The following KIAA1549L variants were observed in gnomAD, a reference collection of about 807,000 sequenced individuals.
The protein encoded by KIAA1549L is UPF0606 protein KIAA1549L.
KIAA1549L carries 88 observed loss-of-function variants against 160.7 expected under a neutral mutation model. The observed-to-expected ratio is 0.55, with a 90% CI of 0.46 to 0.65. The LOEUF (loss-of-function observed/expected upper bound fraction) is 0.65, where lower values mean the gene tolerates loss of function less well. KIAA1549L is among the 30% of genes least tolerant of loss of function. The probability of loss-of-function intolerance (pLI) is 0.00; values close to 1 mark genes in which losing one functional copy is unlikely to be tolerated. For missense variants in KIAA1549L, 2,258 were observed against 2,437.5 expected, an observed-to-expected ratio of 0.93 and a Z score of 1.55; for synonymous variants, 950 against 976.7, an observed-to-expected ratio of 0.97 and a Z score of 0.51.
chr11:33,596,762 T>A (rs1468547938), intron 12 of KIAA1549L, among the ~76,000 whole-genome samples: 2 of 152,118 alleles, frequency 1.3e-5, no homozygotes, highest in Non-Finnish European at 2.9e-5. Flanking sequence ...TTCACTATTT[T>A]GTGAATGTGA....
intron 1 of KIAA1549L, among the ~76,000 whole-genome samples, chr11:33,439,180 G>A (rs1017958673): frequency 6.6e-6 from 1 of 152,112 alleles, no homozygotes; most frequent in Non-Finnish European, 1.5e-5. Flanking sequence ...CCAAAGTGCT[G>A]GGATTACGGG....
At chr11:33,607,254 A>G (rs1850531052) in intron 14 of KIAA1549L, among the ~76,000 whole-genome samples, 1 of 152,080 alleles carries the variant, frequency 6.6e-6, no homozygotes, top group Admixed American at 6.5e-5. Flanking sequence ...GATGTGGGCC[A>G]CTCTGGGGAC....
intron 12 of KIAA1549L, among the ~76,000 whole-genome samples, chr11:33,595,632 T>C (rs1279421568): frequency 2.6e-5 from 4 of 152,190 alleles, no homozygotes; most frequent in Non-Finnish European, 5.9e-5. Flanking sequence ...CAGCTGACCA[T>C]GGGAGTCTCT....
intron 1 of KIAA1549L, among the ~76,000 whole-genome samples, chr11:33,520,425 CCTT>C (rs1590306337): frequency 1.3e-5 from 2 of 151,302 alleles, no homozygotes; most frequent in African/African-American, 4.9e-5. Flanking sequence ...TAACATAATG[CCTT>C]CTTCAAAAAA....
At chr11:33,596,258 C>T (rs1286887610) in intron 12 of KIAA1549L, among the ~76,000 whole-genome samples, 1 of 152,192 alleles carries the variant, frequency 6.6e-6, no homozygotes, top group African/African-American at 2.4e-5. Flanking sequence ...AAATCTCACT[C>T]TATTTTTGAA....
chr11:33,403,288 C>CATGG (rs1565121776), intron 1 of KIAA1549L: 14 of 8,526 alleles, frequency 1.6e-3, no homozygotes, highest in South Asian at 2.6e-3. Context: ...CACAGACACA[C>CATGG]ACACACACAC....
chr11:33,532,444 C>T (rs576867518), intron 1 of KIAA1549L, among the ~76,000 whole-genome samples: 1 of 152,274 alleles, frequency 6.6e-6, no homozygotes, highest in South Asian at 2.1e-4. Context: ...GCTGTATAAG[C>T]ACTATTCTAA....
intron 1 of KIAA1549L, among the ~76,000 whole-genome samples, chr11:33,489,213 ATCAGGGTGCCAGCAGGATTGGTT>A (rs1378113473): frequency 9.9e-5 from 15 of 152,208 alleles, no homozygotes; most frequent in Admixed American, 9.8e-4. Context: ...AAAGTCCAAG[ATCAGGGTGCCAGCAGGATTGGTT>A]TCTGGTAAGG....
In KIAA1549L at chr11:33,392,810, C is replaced by G. The variant is rs1590215458; in HGVS notation, c.238+15921C>G. 2.0e-5 allele frequency among the ~76,000 whole-genome samples: 3 copies of G among 152,172 alleles called. No individual in the cohort carries two copies. The East Asian group carries it at 5.8e-4, about 29-fold the overall frequency. ...TGAACTCCCGGGCTCAAGTGATCTG[C>G]CTGTCTCAGCTTCCCAAAGTGCTGG... On this transcript the variant is annotated intron_variant, in intron 1 of 20. Transcript: ENST00000658780.
intron 1 of KIAA1549L, among the ~76,000 whole-genome samples, chr11:33,416,204 CTGAAG>C (rs1192934584): frequency 6.6e-6 from 1 of 152,228 alleles, no homozygotes; most frequent in East Asian, 1.9e-4. Flanking sequence ...CACAGGACTC[CTGAAG>C]ATAACGCTCA....
In KIAA1549L at chr11:33,407,188, C is replaced by G. The variant is rs565017246; in HGVS notation, c.238+30299C>G. Among the ~76,000 whole-genome samples the G allele has an allele frequency of 3.7e-4, 55 of 147,486 alleles. No homozygotes were observed. In the South Asian group the frequency reaches 0.011, roughly 30 times the overall value. On this transcript the variant is annotated intron_variant, in intron 1 of 20. Coordinates refer to ENST00000658780, the MANE Select transcript of KIAA1549L (RefSeq NM_012194.3). ...CAAACTCCGCCTCCCGGGTTCACGCCATTCTCCTGCCTCAGCCTCCCGAGT... is the reference window on the plus strand; with the variant it reads ...CAAACTCCGCCTCCCGGGTTCACGCGATTCTCCTGCCTCAGCCTCCCGAGT...
At chr11:33,559,052 G>T (rs559782113) in intron 6 of KIAA1549L, among the ~76,000 whole-genome samples, 1 of 151,998 alleles carries the variant, frequency 6.6e-6, no homozygotes, top group African/African-American at 2.4e-5. Context: ...TGGCCAGGCT[G>T]GTCTTGAACT....
chr11:33,635,697 GACAAAACTGTTT>G (rs1157575188), intron 16 of KIAA1549L, among the ~76,000 whole-genome samples: 3 of 30,412 alleles, frequency 9.9e-5, no homozygotes, highest in African/African-American at 2.9e-4. Flanking sequence ...ATTCATTTTA[GACAAAACTGTTT>G]CATTCATTTT....
intron 1 of KIAA1549L, among the ~76,000 whole-genome samples, chr11:33,384,383 T>C (rs1850131382): frequency 6.6e-6 from 1 of 152,216 alleles, no homozygotes; most frequent in Admixed American, 6.5e-5. Context: ...TTGATGGACA[T>C]GTGGGTTGTT....
At chr11:33,435,800 A>ATATATGTGTGTT (rs1565135897) in intron 1 of KIAA1549L, among the ~76,000 whole-genome samples, 1 of 12,884 alleles carries the variant, frequency 7.8e-5, no homozygotes, top group Non-Finnish European at 1.3e-4. Flanking sequence ...ATATATATAT[A>ATATATGTGTGTT]TATATATATA....
At chr11:33,667,725 A>G (rs1852519884) in intron 20 of KIAA1549L, 148 bp from the exon 21 acceptor site, 3 of 669,188 alleles carry the variant, frequency 4.5e-6, no homozygotes, top group East Asian at 2.7e-5. Flanking sequence ...TGAGTTTTAT[A>G]TCTATACAAT....
intron 1 of KIAA1549L, among the ~76,000 whole-genome samples, chr11:33,469,120 A>C (rs1395214695): frequency 6.6e-6 from 1 of 152,214 alleles, no homozygotes; most frequent in Non-Finnish European, 1.5e-5. Flanking sequence ...AGAGTTGTAC[A>C]ACTATCACCA....
chr11:33,608,966 AT>A (rs1850577747), intron 14 of KIAA1549L, among the ~76,000 whole-genome samples: 1 of 152,136 alleles, frequency 6.6e-6, no homozygotes, highest in African/African-American at 2.4e-5. Flanking sequence ...TTTAAAGATT[AT>A]TTTTAAGAAA....
rs199813071 is a variant in KIAA1549L at position 33,543,019 on chromosome 11, C to T, written c.1456C>T (p.Leu486Phe). The part of the protein sequence containing the change: ...ITTLGQEQAI[L>F]SGAVPASPST... ...CACACTGGGTCAAGAGCAAGCCATCCTTTCTGGGGCGGTTCCCGCATCACC... is the reference window on the plus strand; with the variant it reads ...CACACTGGGTCAAGAGCAAGCCATCTTTTCTGGGGCGGTTCCCGCATCACC... Residue 486 changes from leucine to phenylalanine, a missense_variant, in exon 2 of 21, where the codon CTT becomes TTT. Coordinates refer to ENST00000658780, the MANE Select transcript of KIAA1549L (RefSeq NM_012194.3). 2.5e-4 allele frequency: 402 copies of T among 1,613,870 alleles called. No individual in the cohort carries two copies. The highest frequency in any genetic ancestry group is 3.1e-4 in the Non-Finnish European group (366 of 1,179,912).
Sources: gnomAD v4.1 joint callset for allele counts (sites outside exome capture counted in the v4.1 genomes callset) on GRCh38, gnomAD v4.1.1 for gene constraint, MANE v1.5 for transcripts, NCBI Gene and HGNC (gene_info 2026-07-23, HGNC 2026-07-21) for gene names.